The following WNK2 variants were observed in gnomAD, a reference collection of about 807,000 sequenced individuals.
The protein encoded by WNK2 is serine/threonine-protein kinase WNK2.
In WNK2, 67 loss-of-function variants were observed where a neutral mutation model predicts 192.1. The observed-to-expected ratio is 0.35, with a 90% confidence interval of 0.29 to 0.43. The LOEUF is 0.43. Ranked by LOEUF, WNK2 falls within the 20% of genes least tolerant of loss-of-function variation. WNK2 has a pLI of 1.00. For synonymous variants in WNK2, 1,439 were observed against 1,393.9 expected (o/e 1.03, Z -0.72); for missense variants, 2,698 against 3,089.7 (o/e 0.87, Z 3.01).
chr9:93,290,082 G>A, intron 21 of WNK2, 35 bp downstream of exon 21: 2 of 1,545,040 alleles, frequency 1.3e-6, no homozygotes, highest in South Asian at 1.2e-5. Context: ...CGTTCACAAG[G>A]TGCTGCCTGG....
rs59582411 is a variant in WNK2 at position 93,199,899 on chromosome 9, C to CAAAAAAAAAAAAAAA, written c.681+14301_681+14302insAAAAAAAAAAAAAAA. ...GGCGACAGAGCAAGACTCTTTGTCT[C>CAAAAAAAAAAAAAAA]AAAAAAAAAAAAGAAAACACAAAGC... On this transcript the variant is annotated intron_variant, in intron 2 of 29. Coordinates refer to ENST00000427277, the MANE Select transcript of WNK2 (RefSeq NM_006648.4). Among the ~76,000 whole-genome samples the CAAAAAAAAAAAAAAA allele has an allele frequency of 2.6e-3, 284 of 107,602 alleles. 8 individuals carry two copies. The highest frequency in any genetic ancestry group is 5.0e-3 in the African/African-American group (153 of 30,846). 70.6% of individuals were successfully genotyped at this position (107,602 alleles called of 152,430 possible).
intron 26 of WNK2, among the ~76,000 whole-genome samples, chr9:93,301,648 G>C (rs897211650): frequency 1.3e-5 from 2 of 152,138 alleles, no homozygotes; most frequent in African/African-American, 4.8e-5. Flanking sequence ...CTCCGCAGCC[G>C]GTTCCCGGCC....
rs539060504 is a variant in WNK2 at position 93,315,244 on chromosome 9, C to T, written c.6517-2276C>T. ...TGATGTGGGCGCAATGGGTTTGGCACCCATTGAGTGGAAAGTCTGCTCAAC... is the reference window on the plus strand; with the variant it reads ...TGATGTGGGCGCAATGGGTTTGGCATCCATTGAGTGGAAAGTCTGCTCAAC... On this transcript the variant is annotated intron_variant, in intron 28 of 29. Transcript: ENST00000427277. 5.3e-4 allele frequency among the ~76,000 whole-genome samples: 80 copies of T among 152,272 alleles called. 1 individual carries two copies. The South Asian group carries it at 0.016, about 30-fold the overall frequency.
chr9:93,275,155 CAT>C (rs1846633866), intron 19 of WNK2, among the ~76,000 whole-genome samples: 1 of 152,154 alleles, frequency 6.6e-6, no homozygotes. Context: ...AAGGAAGAAA[CAT>C]ATGATCATAA....
chr9:93,308,802 ACAGGC>A (rs991242211), intron 28 of WNK2: 34 of 1,420,554 alleles, frequency 2.4e-5, no homozygotes, highest in South Asian at 7.6e-5. Context: ...GGTGGAAAGG[ACAGGC>A]CAGGCCAGGC....
intron 26 of WNK2, 31 bp downstream of exon 26, chr9:93,300,180 C>G: frequency 1.3e-6 from 2 of 1,580,934 alleles, no homozygotes; most frequent in Non-Finnish European, 1.7e-6. Context: ...ATTTTATCAC[C>G]TCCTGGCCCT....
chr9:93,284,773 T>G (rs1386655043), intron 19 of WNK2, among the ~76,000 whole-genome samples: 1 of 152,230 alleles, frequency 6.6e-6, no homozygotes, highest in Admixed American at 6.5e-5. Flanking sequence ...CCCTGACCAC[T>G]TTTTGTAAAT....
Position 93,268,708 on chromosome 9 carries a change from C to A in WNK2, c.3995C>A (p.Pro1332Gln). 1 of 1,613,400 alleles carries A rather than the reference C, an allele frequency of 6.2e-7. No individual in the cohort carries two copies. Among genetic ancestry groups the A allele is most frequent in the Non-Finnish European group, 8.5e-7 (1 of 1,179,780 alleles). The change falls in exon 19 of 30, where the codon CCA (proline) becomes CAA (glutamine). Residue 1332 changes from proline (P) to glutamine (Q), a missense_variant. Pro to Gln is a moderately conservative substitution (Grantham distance 76, BLOSUM62 -1). Transcript: ENST00000427277. Reference sequence around the variant, plus strand: ...CCCGAGGCCCCTGAATCTTCGCCCCCACTTCCTCTAAGCTCCCTGCCGCCA... The same window carrying A: ...CCCGAGGCCCCTGAATCTTCGCCCCAACTTCCTCTAAGCTCCCTGCCGCCA... ...PAPEAPESSP[P>Q]LPLSSLPPEA...
In WNK2 at chr9:93,234,791, G is replaced by T. The variant is rs376385111; in HGVS notation, c.1076-17G>T. 4 of 1,607,954 alleles carry T rather than the reference G, an allele frequency of 2.5e-6. No homozygotes were observed. Among genetic ancestry groups the T allele is most frequent in the Middle Eastern group, 1.7e-4 (1 of 6,014 alleles). ...CCGTGGCCAGCTGACAGCTGCGTCTGTTGCTTCCGGGCACAGGTACTCCCG... is the reference window on the plus strand; with the variant it reads ...CCGTGGCCAGCTGACAGCTGCGTCTTTTGCTTCCGGGCACAGGTACTCCCG... On this transcript the variant is annotated splice_polypyrimidine_tract_variant and intron_variant, in intron 4 of 29. Transcript: ENST00000427277.
chr9:93,301,785 G>A (rs1036786530), intron 26 of WNK2, among the ~76,000 whole-genome samples: 9 of 152,184 alleles, frequency 5.9e-5, no homozygotes, highest in South Asian at 2.1e-4. Flanking sequence ...CAGGTATGGC[G>A]CCTACCCAGG....
rs928859552 is a variant in WNK2 at position 93,185,175 on chromosome 9, C to T, written c.246C>T (p.Arg82=). The change falls in exon 2 of 30, where the codon CGC becomes CGT. Residue 82 remains arginine (R), a synonymous_variant. Transcript: ENST00000427277. ...QRRVLLLCKT[R]RLIAERARGR... ...GGGTGCTTCTGCTCTGCAAGACGCG[C>T]CGCCTCATCGCGGAGCGCGCCCGCG... 4.1e-6 allele frequency: 5 copies of T among 1,216,326 alleles called. No individual in the cohort carries two copies. Among genetic ancestry groups the T allele is most frequent in the Non-Finnish European group, 1.0e-6 (1 of 972,582 alleles). 75.3% of individuals were successfully genotyped at this position (1,216,326 alleles called of 1,614,324 possible).
rs1476104521 is a variant in WNK2 at position 93,263,630 on chromosome 9, G to C, written c.3475G>C (p.Gly1159Arg). ...TGACAGCTGTGAAGGCGCCTTTGGA[G>C]GGGGCAGGCTGGAGGGCAGGGCAGC... ...LSDSCEGAFG[G>R]GRLEGRAARK... Residue 1159 changes from glycine (G) to arginine (R), a missense_variant, in exon 15 of 30, where the codon GGG becomes CGG. By Grantham distance (125) the Gly-to-Arg change is moderately radical. Transcript: ENST00000427277. 6.2e-7 allele frequency: 1 copy of C among 1,608,648 alleles called. No individual in the cohort carries two copies. Among genetic ancestry groups the C allele is most frequent in the African/African-American group, 1.3e-5 (1 of 74,790 alleles).
chr9:93,290,229 GT>G (rs1468986312), intron 21 of WNK2, among the ~76,000 whole-genome samples, 182 bp downstream of exon 21: 1 of 152,108 alleles, frequency 6.6e-6, no homozygotes. Context: ...GCAGGAGTCT[GT>G]CATGATTTAA....
chr9:93,260,904 C>T (rs1844120613), intron 12 of WNK2, among the ~76,000 whole-genome samples: 1 of 152,222 alleles, frequency 6.6e-6, no homozygotes, highest in Non-Finnish European at 1.5e-5. Context: ...GCTTTCCTAC[C>T]TGAAGAGCCT....
At chr9:93,226,397 T>G (rs1441561821) in intron 2 of WNK2, among the ~76,000 whole-genome samples, 1 of 152,240 alleles carries the variant, frequency 6.6e-6, no homozygotes, top group Non-Finnish European at 1.5e-5. Flanking sequence ...TCTCTTAATG[T>G]TTCTCTTCTA....
chr9:93,184,413 G>T (rs1326914160), intron 1 of WNK2, among the ~76,000 whole-genome samples, 28 bp downstream of exon 1: 5 of 150,786 alleles, frequency 3.3e-5, no homozygotes, highest in African/African-American at 9.7e-5. Context: ...CCTCAACGCC[G>T]CTCGCCGCCT....
At chr9:93,194,471 G>A (rs758149361) in intron 2 of WNK2, among the ~76,000 whole-genome samples, 8 of 152,188 alleles carry the variant, frequency 5.3e-5, no homozygotes, top group East Asian at 3.8e-4. Context: ...GTTGCCCATC[G>A]TAAGTCATCA....
intron 2 of WNK2, among the ~76,000 whole-genome samples, chr9:93,186,039 A>T (rs1164692451): frequency 3.3e-5 from 5 of 152,176 alleles, no homozygotes; most frequent in Non-Finnish European, 7.4e-5. Flanking sequence ...CGGTGTGTGC[A>T]GTCAGAGTGT....
intron 9 of WNK2, among the ~76,000 whole-genome samples, chr9:93,255,794 C>T (rs1457587483): frequency 2.0e-5 from 3 of 152,186 alleles, no homozygotes; most frequent in Admixed American, 6.5e-5. Context: ...TTAACAAATT[C>T]GCAGCAATTC....
Sources: allele counts gnomAD v4.1 joint callset (sites outside exome capture counted in the v4.1 genomes callset), GRCh38; gene constraint gnomAD v4.1.1; transcripts MANE v1.5; gene names NCBI Gene and HGNC (gene_info 2026-07-23, HGNC 2026-07-21).